Variants in TMEM108 observed in about 807,000 individuals in gnomAD.
The protein encoded by TMEM108 is cancer/testis antigen 124.
TMEM108 carries 12 observed loss-of-function variants against 35.1 expected under a neutral mutation model. That is an observed-to-expected ratio of 0.34 (90% CI 0.22 to 0.55). The LOEUF is 0.55. Among genes scored for constraint, TMEM108 ranks in the 20% least tolerant of loss-of-function variants. The pLI is 0.89. For missense variants in TMEM108, 680 were observed against 753.3 expected (o/e 0.90, Z 1.14); for synonymous variants, 287 against 308.6 (o/e 0.93, Z 0.73).
chr3:133,055,748 C>T (rs1342302310), intron 2 of TMEM108, among the ~76,000 whole-genome samples: 1 of 152,176 alleles, frequency 6.6e-6, no homozygotes, highest in Non-Finnish European at 1.5e-5. Context: ...TCAAACATGA[C>T]CCATTCCTAT....
intron 2 of TMEM108, among the ~76,000 whole-genome samples, chr3:133,145,045 A>G (rs144189252): frequency 0.017 from 2,530 of 152,272 alleles, 35 homozygotes; most frequent in Non-Finnish European, 0.029. Context: ...GCCCATGCCT[A>G]TGTCCTGAAT....
intron 3 of TMEM108, among the ~76,000 whole-genome samples, chr3:133,375,617 T>A (rs1218962210): frequency 6.6e-6 from 1 of 152,208 alleles, no homozygotes; most frequent in Non-Finnish European, 1.5e-5. Context: ...ATGTTTATTG[T>A]GACAGTGTGC....
chr3:133,115,560 C>T (rs1275472690), intron 2 of TMEM108, among the ~76,000 whole-genome samples: 2 of 152,232 alleles, frequency 1.3e-5, no homozygotes, highest in Non-Finnish European at 2.9e-5. Flanking sequence ...TCCAAGCTTA[C>T]ACTGCTAATA....
chr3:133,226,934 G>A (rs1946080110), intron 2 of TMEM108, among the ~76,000 whole-genome samples: 1 of 152,124 alleles, frequency 6.6e-6, no homozygotes, highest in African/African-American at 2.4e-5. Context: ...ATCTTATGTG[G>A]ATGGTGGCAG....
At chr3:133,174,368 C>T (rs1433354427) in intron 2 of TMEM108, among the ~76,000 whole-genome samples, 1 of 152,204 alleles carries the variant, frequency 6.6e-6, no homozygotes, top group African/African-American at 2.4e-5. Context: ...TGAGAATGGG[C>T]AGACTGCCTC....
At chr3:133,386,363 G>C in intron 4 of TMEM108, 7 of 1,531,884 alleles carry the variant, frequency 4.6e-6, no homozygotes, top group Non-Finnish European at 6.1e-6. Context: ...TTCAATAGTT[G>C]TTTGAAAGGT....
At chr3:133,293,451 T>C (rs1397689132) in intron 3 of TMEM108, among the ~76,000 whole-genome samples, 1 of 151,168 alleles carries the variant, frequency 6.6e-6, no homozygotes, top group Non-Finnish European at 1.5e-5. Flanking sequence ...TTGTTGGCTA[T>C]TAAATGAATG....
chr3:133,070,054 G>A (rs1374742476), intron 2 of TMEM108, among the ~76,000 whole-genome samples: 1 of 152,080 alleles, frequency 6.6e-6, no homozygotes, highest in Non-Finnish European at 1.5e-5. Flanking sequence ...ATTCAATGGT[G>A]AGGAAATGTC....
chr3:133,267,766 G>A (rs1317003062), intron 3 of TMEM108, among the ~76,000 whole-genome samples: 9 of 152,204 alleles, frequency 5.9e-5, no homozygotes, highest in Admixed American at 2.0e-4. Flanking sequence ...CAATGGACAG[G>A]AGCCCTCCTC....
intron 3 of TMEM108, among the ~76,000 whole-genome samples, chr3:133,329,745 T>G (rs1224386579): frequency 2.0e-5 from 3 of 152,154 alleles, no homozygotes; most frequent in Non-Finnish European, 4.4e-5. Flanking sequence ...AAAAGCAAAT[T>G]GCAAAGTGAA....
In TMEM108 at chr3:133,152,278, C is replaced by T. The variant is rs144286533; in HGVS notation, c.-46-76988C>T. 4.4e-4 allele frequency among the ~76,000 whole-genome samples: 67 copies of T among 152,272 alleles called. 1 individual carries two copies. The highest frequency in any genetic ancestry group is 1.3e-3 in the African/African-American group (54 of 41,566). On this transcript the variant is annotated intron_variant, in intron 2 of 5. Coordinates refer to ENST00000321871, the MANE Select transcript of TMEM108 (RefSeq NM_023943.4). ...AAACAATTGGTCTGCTGGGAATTCA[C>T]GTTACTGTTTCAACAGGCTCTCTTA...
At chr3:133,201,480 G>A (rs1304392108) in intron 2 of TMEM108, among the ~76,000 whole-genome samples, 1 of 150,330 alleles carries the variant, frequency 6.7e-6, no homozygotes, top group Non-Finnish European at 1.5e-5. Context: ...GCCCCCGTGT[G>A]TGATGTTCCC....
intron 2 of TMEM108, among the ~76,000 whole-genome samples, chr3:133,138,467 A>G (rs1372385360): frequency 1.3e-5 from 2 of 152,194 alleles, no homozygotes; most frequent in Non-Finnish European, 2.9e-5. Context: ...ACACAAATCC[A>G]TAAACTTTCT....
At chr3:133,061,352 A>G (rs1463559220) in intron 2 of TMEM108, among the ~76,000 whole-genome samples, 8 of 151,714 alleles carry the variant, frequency 5.3e-5, no homozygotes, top group Non-Finnish European at 1.0e-4. Context: ...CTGGGACTAC[A>G]GGCGCCCGCC....
intron 2 of TMEM108, among the ~76,000 whole-genome samples, chr3:133,074,713 T>C (rs903047487): frequency 7.2e-5 from 11 of 152,314 alleles, no homozygotes; most frequent in Admixed American, 4.6e-4. Context: ...AGTCTCGAAC[T>C]CCTGACCTCA....
At chr3:133,289,236 A>G (rs943429191) in intron 3 of TMEM108, among the ~76,000 whole-genome samples, 1 of 152,058 alleles carries the variant, frequency 6.6e-6, no homozygotes, top group Non-Finnish European at 1.5e-5. Flanking sequence ...TGTACGTTTG[A>G]AATTTCTCCA....
At chr3:133,243,417 A>ATT (rs1559879853) in intron 3 of TMEM108, among the ~76,000 whole-genome samples, 1 of 152,062 alleles carries the variant, frequency 6.6e-6, no homozygotes, top group Non-Finnish European at 1.5e-5. Flanking sequence ...AAAATAAAAT[A>ATT]TAATTCTTAT....
At chr3:133,091,105 G>T (rs186758067) in intron 2 of TMEM108, among the ~76,000 whole-genome samples, 1 of 152,088 alleles carries the variant, frequency 6.6e-6, no homozygotes, top group Non-Finnish European at 1.5e-5. Flanking sequence ...GTACATGAGA[G>T]TATCTATTTC....
intron 2 of TMEM108, among the ~76,000 whole-genome samples, chr3:133,083,448 T>C (rs763353639): frequency 1.3e-5 from 2 of 152,166 alleles, no homozygotes; most frequent in African/African-American, 2.4e-5. Context: ...CCTTTTTAGA[T>C]GTTTTTGCCC....
Sources: allele counts gnomAD v4.1 joint callset (sites outside exome capture counted in the v4.1 genomes callset), GRCh38; gene constraint gnomAD v4.1.1; transcripts MANE v1.5; gene names NCBI Gene and HGNC (gene_info 2026-07-23, HGNC 2026-07-21).